Variants in SHISAL1 observed in about 807,000 individuals in gnomAD.
SHISAL1 encodes the protein protein shisa-like-1.
Under a neutral mutation model 22.6 loss-of-function variants are expected in SHISAL1, and 9 were observed. The observed-to-expected ratio is 0.40, with a 90% CI of 0.24 to 0.70. The LOEUF (loss-of-function observed/expected upper bound fraction) is 0.70. Among genes scored for constraint, SHISAL1 ranks in the 30% least tolerant of loss-of-function variants. The pLI is 0.39. For missense variants in SHISAL1, 246 were observed against 270.6 expected (o/e 0.91, Z 0.64); for synonymous variants, 119 against 115.4 (o/e 1.03, Z -0.20).
chr22:44,299,791 GAT>G (rs765932624), intron 2 of SHISAL1, among the ~76,000 whole-genome samples: 4 of 151,978 alleles, frequency 2.6e-5, no homozygotes, highest in Non-Finnish European at 5.9e-5. Context: ...CAAAGACAGA[GAT>G]AGAAAAAGAC....
intron 4 of SHISAL1, among the ~76,000 whole-genome samples, chr22:44,259,588 C>G (rs976956276): frequency 6.6e-6 from 1 of 151,830 alleles, no homozygotes; most frequent in African/African-American, 2.4e-5. Flanking sequence ...GCACTTCCTG[C>G]CCCTGGGCTT....
rs1298214757 is a variant in SHISAL1 at position 44,247,191 on chromosome 22, G to A, written c.*2494C>T. The A allele has an allele frequency of 6.6e-6, 1 of 152,258 alleles. No homozygotes were observed. Among genetic ancestry groups the A allele is most frequent in the Non-Finnish European group, 1.5e-5 (1 of 68,118 alleles). The allele number at this position is 152,258 out of a possible 1,614,324, so 9.4% of individuals were successfully genotyped here. A position where few individuals can be genotyped will look rare whatever the true frequency, so the allele number is the denominator to read the frequency against. On this transcript the variant is annotated 3_prime_UTR_variant, in exon 5 of 5. Coordinates refer to ENST00000381176, the MANE Select transcript of SHISAL1 (RefSeq NM_001099294.2). ...GAAGCACCTACAGAGCATTGTCCAG[G>A]ACAGCAGGACACGAGGGTTGCAAAC...
chr22:44,254,298 A>C (rs2055069711), intron 4 of SHISAL1, among the ~76,000 whole-genome samples: 1 of 152,200 alleles, frequency 6.6e-6, no homozygotes. Context: ...TGAAAACAGA[A>C]ATGGAGTTAA....
chr22:44,320,406 G>A, the SHISAL1 span, among the ~76,000 whole-genome samples: 170 of 152,356 alleles, frequency 1.1e-3, no homozygotes, highest in Non-Finnish European at 1.7e-3. Context: ...GGGCCAGGCC[G>A]TGGATCAGGG....
chr22:44,307,766 G>A (rs2055489651), intron 1 of SHISAL1, among the ~76,000 whole-genome samples: 1 of 152,216 alleles, frequency 6.6e-6, no homozygotes, highest in Non-Finnish European at 1.5e-5. Context: ...GGAGAGGAAG[G>A]AGGGCACGTG....
intron 4 of SHISAL1, among the ~76,000 whole-genome samples, chr22:44,282,702 A>G (rs561769775): frequency 2.0e-4 from 30 of 152,298 alleles, no homozygotes; most frequent in Non-Finnish European, 4.3e-4. Flanking sequence ...GATTTTGAAG[A>G]GCAGCGGCAC....
Position 44,247,381 on chromosome 22 carries a change from C to G in SHISAL1, c.*2304G>C, listed in dbSNP as rs1402479696. On this transcript the variant is annotated 3_prime_UTR_variant, in exon 5 of 5. Coordinates refer to ENST00000381176, the MANE Select transcript of SHISAL1 (RefSeq NM_001099294.2). ...GCCTTCTGAGGCACTGCACGTGGGA[C>G]ACAGCTGTGGCTTCCGCAGCTGGGC... The G allele has an allele frequency of 6.6e-6, 1 of 152,322 alleles. No individual in the cohort carries two copies. The highest frequency in any genetic ancestry group is 2.4e-5 in the African/African-American group (1 of 41,456). The allele number at this position is 152,322 out of a possible 1,614,324, so 9.4% of individuals were successfully genotyped here.
intron 4 of SHISAL1, among the ~76,000 whole-genome samples, chr22:44,268,269 T>C (rs1379351375): frequency 1.3e-5 from 2 of 152,232 alleles, no homozygotes; most frequent in African/African-American, 4.8e-5. Context: ...CGACAGCCTC[T>C]GTCCATAACT....
intron 4 of SHISAL1, among the ~76,000 whole-genome samples, chr22:44,258,695 C>T (rs1358496787): frequency 6.6e-6 from 1 of 152,172 alleles, no homozygotes; most frequent in Non-Finnish European, 1.5e-5. Context: ...TATACATAGG[C>T]TTCCATACAG....
intron 3 of SHISAL1, among the ~76,000 whole-genome samples, chr22:44,293,372 C>T (rs930406788): frequency 3.9e-5 from 6 of 152,202 alleles, no homozygotes; most frequent in African/African-American, 7.2e-5. Flanking sequence ...TCTGTGCCCC[C>T]GCATTTGGCA....
intron 4 of SHISAL1, among the ~76,000 whole-genome samples, chr22:44,279,725 C>T (rs958747158): frequency 1.3e-5 from 2 of 152,206 alleles, no homozygotes; most frequent in African/African-American, 4.8e-5. Context: ...CCTGTCTCTT[C>T]AGGTGGCCTG....
chr22:44,260,805 G>C (rs910416668), intron 4 of SHISAL1, among the ~76,000 whole-genome samples: 16 of 152,092 alleles, frequency 1.1e-4, no homozygotes, highest in Admixed American at 2.0e-4. Flanking sequence ...TCTGGGGTGG[G>C]GGCAGCGTCA....
At chr22:44,300,836 C>A in intron 2 of SHISAL1, 43 bp downstream of exon 2, 1 of 1,552,076 alleles carries the variant, frequency 6.4e-7, no homozygotes. Context: ...GAGCCCACAC[C>A]CCCACGTGCC....
intron 4 of SHISAL1, among the ~76,000 whole-genome samples, chr22:44,283,132 C>T (rs1246953601): frequency 4.6e-5 from 7 of 152,238 alleles, no homozygotes; most frequent in East Asian, 1.9e-4. Flanking sequence ...AAGAGCACAG[C>T]GGGAGTGGGA....
At chr22:44,303,945 C>T (rs2055451834) in intron 1 of SHISAL1, among the ~76,000 whole-genome samples, 1 of 152,134 alleles carries the variant, frequency 6.6e-6, no homozygotes, top group Admixed American at 6.5e-5. Flanking sequence ...AGGCCCTCCG[C>T]CCCCCAGGAG....
chr22:44,284,585 C>T (rs2055298312), intron 4 of SHISAL1, among the ~76,000 whole-genome samples: 1 of 152,168 alleles, frequency 6.6e-6, no homozygotes, highest in Non-Finnish European at 1.5e-5. Flanking sequence ...GGCTGCAGCT[C>T]AGCCCCCACA....
Position 44,246,015 on chromosome 22 carries a change from T to G in SHISAL1, c.*3670A>C, listed in dbSNP as rs1446044782. On this transcript the variant is annotated 3_prime_UTR_variant, in exon 5 of 5. Coordinates refer to ENST00000381176, the MANE Select transcript of SHISAL1 (RefSeq NM_001099294.2). ...GCATGTGCATGTATGTACTTGTGTG[T>G]TTTTTCAATTAAGGCCTGTTGCACA... is the stretch of plus-strand genomic sequence containing the variant. 1 of 152,216 alleles carries G rather than the reference T, an allele frequency of 6.6e-6. No homozygotes were observed. Among genetic ancestry groups the G allele is most frequent in the African/African-American group, 2.4e-5 (1 of 41,438 alleles). 9.4% of individuals were successfully genotyped at this position (152,216 alleles called of 1,614,324 possible).
intron 2 of SHISAL1, among the ~76,000 whole-genome samples, chr22:44,297,954 C>T (rs1024940654): frequency 2.6e-5 from 4 of 152,176 alleles, no homozygotes; most frequent in African/African-American, 9.7e-5. Flanking sequence ...CCTACCCACC[C>T]GGGGCTGCTG....
At chr22:44,285,844 A>G in intron 3 of SHISAL1, 99 bp from the exon 4 acceptor site, 1 of 1,048,108 alleles carries the variant, frequency 9.5e-7, no homozygotes, top group South Asian at 1.5e-5. Context: ...TCCTGGGGCT[A>G]TGTTGGGGTC....
Sources: gnomAD v4.1 joint callset for allele counts (sites outside exome capture counted in the v4.1 genomes callset) on GRCh38, gnomAD v4.1.1 for gene constraint, MANE v1.5 for transcripts, NCBI Gene and HGNC (gene_info 2026-07-23, HGNC 2026-07-21) for gene names.